The following SHISA6 variants were observed in gnomAD, a reference collection of about 807,000 sequenced individuals.
SHISA6 encodes the protein protein shisa-6.
A neutral mutation model predicts 47.9 loss-of-function variants in SHISA6; 22 were observed. The observed-to-expected ratio is 0.46, with a 90% CI of 0.33 to 0.66. SHISA6 has a LOEUF of 0.66. SHISA6 is among the 30% of genes least tolerant of loss of function. SHISA6 has a pLI of 0.02. For synonymous variants in SHISA6, 388 were observed against 337.8 expected (o/e 1.15, Z -1.63); for missense variants, 680 against 764.6 (o/e 0.89, Z 1.30).
At chr17:11,364,804 G>A (rs1912392432) in intron 2 of SHISA6, among the ~76,000 whole-genome samples, 1 of 152,192 alleles carries the variant, frequency 6.6e-6, no homozygotes, top group Non-Finnish European at 1.5e-5. Context: ...TTATCATTTT[G>A]CATTCCCACC....
chr17:11,532,990 A>G (rs763595261), intron 3 of SHISA6, among the ~76,000 whole-genome samples: 13 of 152,114 alleles, frequency 8.5e-5, no homozygotes, highest in Admixed American at 5.9e-4. Flanking sequence ...GCGTGAGTGT[A>G]AACAGCCACT....
intron 3 of SHISA6, among the ~76,000 whole-genome samples, chr17:11,501,653 A>G (rs922181511): frequency 6.6e-6 from 1 of 152,140 alleles, no homozygotes; most frequent in African/African-American, 2.4e-5. Flanking sequence ...GAGAATTCAG[A>G]TGGCCACAAA....
At chr17:11,401,969 C>G (rs145670393) in intron 3 of SHISA6, among the ~76,000 whole-genome samples, 3,121 of 152,232 alleles carry the variant, frequency 0.021, 109 homozygotes, top group African/African-American at 0.06. Context: ...ACAGGGAAAC[C>G]ACAATGAACA....
At chr17:11,296,447 G>A (rs2142173706) in intron 2 of SHISA6, among the ~76,000 whole-genome samples, 2 of 152,286 alleles carry the variant, frequency 1.3e-5, no homozygotes, top group South Asian at 4.1e-4. Flanking sequence ...TGGGTGTGGG[G>A]ATTGTATGGA....
intron 1 of SHISA6, among the ~76,000 whole-genome samples, chr17:11,254,336 C>G (rs973939047): frequency 3.3e-5 from 5 of 152,158 alleles, no homozygotes; most frequent in African/African-American, 1.2e-4. Context: ...CCATTCTGCC[C>G]TCAGCACACC....
At chr17:11,375,065 GCTTGAGTGTTCTC>G (rs1256756089) in intron 2 of SHISA6, among the ~76,000 whole-genome samples, 3 of 151,986 alleles carry the variant, frequency 2.0e-5, no homozygotes, top group Non-Finnish European at 4.4e-5. Flanking sequence ...TATGATGTTG[GCTTGAGTGTTCTC>G]CTTTATTTTT....
In SHISA6 at chr17:11,557,813, C is replaced by A. The variant is rs1264292787; in HGVS notation, c.1165C>A (p.Arg389Ser). The A allele has an allele frequency of 6.4e-7, 1 of 1,551,224 alleles. No homozygotes were observed. The highest frequency in any genetic ancestry group is 1.4e-5 in the African/African-American group (1 of 73,048). ...GCGGCACCTGCCCGACCTGGCTGCC[C>A]GCGGCACCCTCCCCCTCAATGTCAT... ...RRRHLPDLAA[R>S]GTLPLNVIQM... Residue 389 changes from arginine to serine, a missense_variant, in exon 6 of 6, where the codon CGC becomes AGC. By Grantham distance (110) the Arg-to-Ser change is moderately radical. Transcript: ENST00000441885.
intron 2 of SHISA6, among the ~76,000 whole-genome samples, chr17:11,333,964 C>T (rs954938690): frequency 2.6e-5 from 4 of 152,310 alleles, no homozygotes; most frequent in Non-Finnish European, 5.9e-5. Flanking sequence ...CACAGAAGCT[C>T]CGTGCTCCCC....
At chr17:11,308,253 A>G (rs72824626) in intron 2 of SHISA6, among the ~76,000 whole-genome samples, 8,654 of 152,310 alleles carry the variant, frequency 0.057, 329 homozygotes, top group Admixed American at 0.085. Context: ...GAAGATGGCC[A>G]TGTAACAGGC....
intron 2 of SHISA6, among the ~76,000 whole-genome samples, chr17:11,271,079 C>T (rs752096764): frequency 3.3e-5 from 5 of 151,820 alleles, no homozygotes; most frequent in South Asian, 2.1e-4. Context: ...TTGCAAAGCT[C>T]GGCTGTCAGG....
intron 1 of SHISA6, among the ~76,000 whole-genome samples, chr17:11,261,178 G>A (rs540951386): frequency 1.3e-5 from 2 of 152,276 alleles, no homozygotes; most frequent in East Asian, 1.9e-4. Flanking sequence ...TTAAGGCCAC[G>A]TGGTCTGGGA....
chr17:11,556,757 T>C (rs1423844011), intron 5 of SHISA6, among the ~76,000 whole-genome samples: 2 of 152,092 alleles, frequency 1.3e-5, no homozygotes, highest in Non-Finnish European at 2.9e-5. Context: ...GGAGGAAGGA[T>C]ACCCATCAAC....
chr17:11,523,040 C>T (rs2071643937), intron 3 of SHISA6, among the ~76,000 whole-genome samples: 1 of 152,108 alleles, frequency 6.6e-6, no homozygotes, highest in Non-Finnish European at 1.5e-5. Flanking sequence ...AACGTTTATG[C>T]CCGGTTTCTT....
intron 3 of SHISA6, among the ~76,000 whole-genome samples, chr17:11,396,441 A>G (rs1045338549): frequency 3.9e-5 from 6 of 152,226 alleles, no homozygotes; most frequent in African/African-American, 1.2e-4. Context: ...CAGTGCTGCA[A>G]TAAACGTACG....
Position 11,559,675 on chromosome 17 carries a change from C to T in SHISA6, c.*1371C>T. The T allele has an allele frequency of 6.6e-6, 1 of 152,512 alleles. No individual in the cohort carries two copies. Among genetic ancestry groups the T allele is most frequent in the Non-Finnish European group, 1.5e-5 (1 of 68,166 alleles). 9.4% of individuals were successfully genotyped at this position (152,512 alleles called of 1,614,324 possible). On this transcript the variant is annotated 3_prime_UTR_variant, in exon 6 of 6. Transcript: ENST00000441885. This position sits in a 1 kb window ranked among gnomAD's most constrained non-coding sequence, Gnocchi z 4.4. Reference sequence around the variant, plus strand: ...GCGACTGGCCTAGGGGCTAACTGGGCAGGTCCCCACAGCATCATCCCTTTG... The same window carrying T: ...GCGACTGGCCTAGGGGCTAACTGGGTAGGTCCCCACAGCATCATCCCTTTG...
intron 3 of SHISA6, among the ~76,000 whole-genome samples, chr17:11,519,762 C>T (rs1420491158): frequency 2.0e-5 from 3 of 152,172 alleles, no homozygotes; most frequent in Non-Finnish European, 2.9e-5. Flanking sequence ...ACCTCCCCCA[C>T]GCCAACAAGC....
chr17:11,389,039 C>T (rs562275625), intron 3 of SHISA6, among the ~76,000 whole-genome samples: 9 of 151,966 alleles, frequency 5.9e-5, no homozygotes, highest in African/African-American at 2.2e-4. Context: ...AGGACTCTGT[C>T]TCCAGCTGGA....
intron 3 of SHISA6, chr17:11,380,245 AAT>A (rs1490670819): frequency 1.3e-5 from 2 of 152,172 alleles, no homozygotes; most frequent in African/African-American, 2.4e-5. Context: ...ATCAAATGTG[AAT>A]TCTGTTGTAG....
At position 11,394,998 on chromosome 17, in the gene SHISA6, C is replaced by CTTTTTTT. The variant is rs772109588; in HGVS notation, c.895+15504_895+15510dup. Reference sequence around the variant, plus strand: ...GTGGCCCTTTATTTTTTTTTCTTTTCTTTTTTTTTTTTTTTTTTTTTGAGA... The same window carrying CTTTTTTT: ...GTGGCCCTTTATTTTTTTTTCTTTTCTTTTTTTTTTTTTTTTTTTTTTTTTTTTGAGA... On this transcript the variant is annotated intron_variant, in intron 3 of 5. Transcript: ENST00000441885. Among the ~76,000 whole-genome samples the CTTTTTTT allele has an allele frequency of 8.7e-4, 83 of 95,050 alleles. 1 individual carries two copies. Among genetic ancestry groups the CTTTTTTT allele is most frequent in the African/African-American group, 1.3e-3 (33 of 24,632 alleles). The allele number at this position is 95,050 out of a possible 152,430, so 62.4% of individuals were successfully genotyped here.
Sources: allele counts gnomAD v4.1 joint callset (sites outside exome capture counted in the v4.1 genomes callset), GRCh38; gene constraint gnomAD v4.1.1; non-coding constraint Gnocchi (gnomAD v3.1); transcripts MANE v1.5; gene names NCBI Gene and HGNC (gene_info 2026-07-23, HGNC 2026-07-21).